The following LEMD3 variants were observed in gnomAD, a reference collection of about 807,000 sequenced individuals.
LEMD3 encodes the protein LEM domain containing 3.
In LEMD3, 33 loss-of-function variants were observed where a neutral mutation model predicts 95.2. That is an observed-to-expected ratio of 0.35 (90% CI 0.26 to 0.46). The LOEUF (loss-of-function observed/expected upper bound fraction) is 0.46, where lower values mean the gene tolerates loss of function less well. Among genes scored for constraint, LEMD3 ranks in the 20% least tolerant of loss-of-function variants. The pLI is 1.00. For missense variants in LEMD3, 1,210 were observed against 1,192.8 expected, an observed-to-expected ratio of 1.01 and a Z score of -0.21; for synonymous variants, 525 against 474.6, an observed-to-expected ratio of 1.11 and a Z score of -1.38.
intron 4 of LEMD3, among the ~76,000 whole-genome samples, chr12:65,232,722 A>G (rs946276804): frequency 6.6e-6 from 1 of 152,154 alleles, no homozygotes; most frequent in African/African-American, 2.4e-5. Context: ...GAAGAAATAC[A>G]TAGTTTATAT....
At chr12:65,241,142 A>G in intron 9 of LEMD3, 55 bp downstream of exon 9, 1 of 1,453,916 alleles carries the variant, frequency 6.9e-7, no homozygotes, top group Non-Finnish European at 9.6e-7. Context: ...TCAAAATGAC[A>G]AATATGTGTT....
chr12:65,241,824 C>G (rs1011908996), intron 9 of LEMD3, among the ~76,000 whole-genome samples: 2 of 152,018 alleles, frequency 1.3e-5, no homozygotes, highest in Non-Finnish European at 2.9e-5. Flanking sequence ...TTTTTATTCT[C>G]CAATTAATTT....
chr12:65,244,283 A>C (rs867070133), intron 10 of LEMD3, among the ~76,000 whole-genome samples: 2,884 of 125,608 alleles, frequency 0.023, 41 homozygotes, highest in African/African-American at 0.028. Flanking sequence ...ACACACACAC[A>C]CACCCCCCCC....
chr12:65,186,373 A>T (rs1869063622), intron 1 of LEMD3, among the ~76,000 whole-genome samples: 1 of 152,154 alleles, frequency 6.6e-6, no homozygotes, highest in Non-Finnish European at 1.5e-5. Flanking sequence ...AAAAAATTGT[A>T]CAAGGTTGAA....
intron 1 of LEMD3, among the ~76,000 whole-genome samples, chr12:65,187,809 G>A (rs1565782196): frequency 6.6e-6 from 1 of 152,086 alleles, no homozygotes; most frequent in Non-Finnish European, 1.5e-5. Flanking sequence ...AGTAGTAAGA[G>A]TCACTGTACT....
chr12:65,197,477 A>G (rs927882419), intron 1 of LEMD3, among the ~76,000 whole-genome samples: 7 of 152,104 alleles, frequency 4.6e-5, no homozygotes, highest in African/African-American at 1.7e-4. Flanking sequence ...TTTTACTCTC[A>G]AGGTTCCATA....
chr12:65,215,276 T>C (rs10784443), intron 2 of LEMD3, among the ~76,000 whole-genome samples: 67,970 of 152,034 alleles, frequency 0.45, 18,227 homozygotes, highest in Middle Eastern at 0.63. Flanking sequence ...AAATATTCTG[T>C]TCCATAAATT....
chr12:65,174,584 A>G (rs542106342), intron 1 of LEMD3, among the ~76,000 whole-genome samples: 4 of 152,288 alleles, frequency 2.6e-5, no homozygotes, highest in African/African-American at 9.6e-5. Context: ...CCCCATATAA[A>G]TAAGTTCAAG....
At position 65,218,559 on chromosome 12, in the gene LEMD3, T is replaced by C; in HGVS notation, c.1635T>C (p.His545=). Residue 545 remains histidine (H), a synonymous_variant, in exon 4 of 13, where the codon CAT becomes CAC. Coordinates refer to ENST00000308330, the MANE Select transcript of LEMD3 (RefSeq NM_014319.5). The part of the protein sequence containing the change: ...HDRLAQLAGD[H]ECGSSSQRTL... ...ATATGCTAATCTTTCCAGGAGATCA[T>C]GAATGTGGCAGTTCTAGTCAAAGAA... is the stretch of plus-strand genomic sequence containing the variant. 6.2e-6 allele frequency: 10 copies of C among 1,602,448 alleles called. No individual in the cohort carries two copies. Among genetic ancestry groups the C allele is most frequent in the Non-Finnish European group, 8.5e-6 (10 of 1,171,652 alleles).
At chr12:65,218,766 A>G (rs962955643) in intron 4 of LEMD3, 147 bp downstream of exon 4, 2 of 491,292 alleles carry the variant, frequency 4.1e-6, no homozygotes, top group Admixed American at 3.6e-5. Context: ...CAGTTATGAG[A>G]AAGTAAAATT....
At chr12:65,206,997 A>T (rs1025618443) in intron 1 of LEMD3, among the ~76,000 whole-genome samples, 1 of 152,062 alleles carries the variant, frequency 6.6e-6, no homozygotes, top group African/African-American at 2.4e-5. Context: ...TTTAATCCCA[A>T]CTTACTAAAT....
intron 2 of LEMD3, among the ~76,000 whole-genome samples, chr12:65,213,245 G>A (rs1039840179): frequency 6.6e-6 from 1 of 151,982 alleles, no homozygotes; most frequent in Admixed American, 6.6e-5. Flanking sequence ...GTTTTTTTGA[G>A]ACAAGGTCTC....
chr12:65,204,402 C>T (rs553327577), intron 1 of LEMD3, among the ~76,000 whole-genome samples: 3 of 152,234 alleles, frequency 2.0e-5, no homozygotes, highest in African/African-American at 7.2e-5. Flanking sequence ...CATCATTCAG[C>T]TCCCACTTAT....
At position 65,170,225 on chromosome 12, in the gene LEMD3, CG is replaced by C; in HGVS notation, c.630del (p.Pro211ArgfsTer34). On this transcript the variant is annotated frameshift_variant, in exon 1 of 13. Coordinates refer to ENST00000308330, the MANE Select transcript of LEMD3 (RefSeq NM_014319.5). LOFTEE classifies it high-confidence loss of function. ...CCGGCGGGCCCCGAGCTGCAGACCC[CG>C]CCGGGGAAAGATGGAGCAGTGGAGG... ...RRPAGPELQT[P>X]PGKDGAVEDE... 6.6e-7 allele frequency: 1 copy of C among 1,512,738 alleles called. No individual in the cohort carries two copies. The highest frequency in any genetic ancestry group is 1.3e-5 in the South Asian group (1 of 77,638). 93.7% of individuals were successfully genotyped at this position (1,512,738 alleles called of 1,614,324 possible). A position where few individuals can be genotyped will look rare whatever the true frequency, so the allele number is the denominator to read the frequency against.
rs1871118590 is a variant in LEMD3, at chr12:65,246,680, A to G, written c.*355A>G. 1 of 258,614 alleles carries G rather than the reference A, an allele frequency of 3.9e-6. No homozygotes were observed. The highest frequency in any genetic ancestry group is 7.5e-6 in the Non-Finnish European group (1 of 133,278). The allele number at this position is 258,614 out of a possible 1,614,324, so 16.0% of individuals were successfully genotyped here. A position where few individuals can be genotyped will look rare whatever the true frequency, so the allele number is the denominator to read the frequency against. ...TGATGAAAAGGCTTCTTGTAGTCCC[A>G]TAATTTCTTGTGAACTAATGTTGTG... is the stretch of plus-strand genomic sequence containing the variant. On this transcript the variant is annotated 3_prime_UTR_variant, in exon 13 of 13. Transcript: ENST00000308330.
chr12:65,242,642 T>C (rs1292241259), intron 9 of LEMD3, among the ~76,000 whole-genome samples: 5 of 152,208 alleles, frequency 3.3e-5, no homozygotes, highest in Non-Finnish European at 7.3e-5. Flanking sequence ...TAATATGTCC[T>C]GATTCTATCC....
chr12:65,201,888 A>G (rs1869610522), intron 1 of LEMD3, among the ~76,000 whole-genome samples: 1 of 152,038 alleles, frequency 6.6e-6, no homozygotes, highest in African/African-American at 2.4e-5. Flanking sequence ...GTTTCTCACC[A>G]TTAAGCATGT....
intron 1 of LEMD3, among the ~76,000 whole-genome samples, chr12:65,200,378 T>C (rs1308246718): frequency 4.6e-5 from 7 of 152,146 alleles, no homozygotes; most frequent in Non-Finnish European, 8.8e-5. Context: ...GTTCAATAAA[T>C]CTGTGCTTTC....
intron 1 of LEMD3, among the ~76,000 whole-genome samples, chr12:65,174,091 A>G (rs905051294): frequency 3.9e-5 from 6 of 152,202 alleles, no homozygotes; most frequent in African/African-American, 1.4e-4. Flanking sequence ...TGTAGGTTAT[A>G]TGTGAGAGTA....
Sources: gnomAD v4.1 joint callset for allele counts (sites outside exome capture counted in the v4.1 genomes callset) on GRCh38, gnomAD v4.1.1 for gene constraint, MANE v1.5 for transcripts, NCBI Gene and HGNC (gene_info 2026-07-23, HGNC 2026-07-21) for gene names.